Variants in PSTPIP2 observed in about 807,000 individuals in gnomAD.
PSTPIP2 encodes the protein proline-serine-threonine phosphatase-interacting protein 2.
In PSTPIP2, 33 loss-of-function variants were observed where a neutral mutation model predicts 63.3. The ratio of observed to expected loss-of-function variants is 0.52; its 90% CI spans 0.40 to 0.70. The LOEUF (loss-of-function observed/expected upper bound fraction) is 0.70. PSTPIP2 is among the 30% of genes least tolerant of loss of function. The pLI is 0.00. For synonymous variants in PSTPIP2, 125 were observed against 132.7 expected, an observed-to-expected ratio of 0.94 and a Z score of 0.40; for missense variants, 312 against 400.7, an observed-to-expected ratio of 0.78 and a Z score of 1.89.
Position 45,985,425 on chromosome 18 carries a change from G to A in PSTPIP2, c.*34C>T. 6.2e-7 allele frequency: 1 copy of A among 1,613,380 alleles called. No individual in the cohort carries two copies. Among genetic ancestry groups the A allele is most frequent in the Non-Finnish European group, 8.5e-7 (1 of 1,179,754 alleles). On this transcript the variant is annotated 3_prime_UTR_variant, in exon 15 of 15. Transcript: ENST00000409746. ...TGGGTGCCCTTTCCATATCACAGAAGCACTAGCCGGAAAAAGCTCTGGTTT... is the reference window on the plus strand; with the variant it reads ...TGGGTGCCCTTTCCATATCACAGAAACACTAGCCGGAAAAAGCTCTGGTTT...
chr18:45,996,803 G>A (rs777860511), intron 9 of PSTPIP2, among the ~76,000 whole-genome samples: 5 of 151,976 alleles, frequency 3.3e-5, no homozygotes, highest in African/African-American at 9.7e-5. Context: ...TTAACAAGGC[G>A]TGGTGGTGCA....
At chr18:46,059,738 T>C (rs1383275440) in intron 1 of PSTPIP2, among the ~76,000 whole-genome samples, 2 of 152,106 alleles carry the variant, frequency 1.3e-5, no homozygotes, top group African/African-American at 4.8e-5. Context: ...TTAATAAAAA[T>C]GAGGTCTAGG....
chr18:46,011,083 A>T, intron 5 of PSTPIP2, 98 bp downstream of exon 5: 1 of 1,001,378 alleles, frequency 1.0e-6, no homozygotes, highest in Middle Eastern at 2.1e-4. Context: ...TCATGATTAC[A>T]TGATGGTGGG....
At chr18:46,064,113 C>T (rs1909085878) in intron 1 of PSTPIP2, among the ~76,000 whole-genome samples, 1 of 152,120 alleles carries the variant, frequency 6.6e-6, no homozygotes, top group Non-Finnish European at 1.5e-5. Flanking sequence ...CAATCAGGGG[C>T]TTGTAGATGA....
At chr18:46,036,118 TATC>T (rs932294893) in intron 2 of PSTPIP2, among the ~76,000 whole-genome samples, 26 of 148,666 alleles carry the variant, frequency 1.7e-4, no homozygotes, top group Admixed American at 4.7e-4. Context: ...ATTTAATTAA[TATC>T]ATTTTATTTA....
chr18:46,054,769 T>C (rs973838491), intron 1 of PSTPIP2, among the ~76,000 whole-genome samples: 1 of 151,514 alleles, frequency 6.6e-6, no homozygotes, highest in African/African-American at 2.4e-5. Flanking sequence ...CAAATGATTC[T>C]CCTGCCTCAG....
intron 1 of PSTPIP2, among the ~76,000 whole-genome samples, chr18:46,060,752 G>C (rs1306167834): frequency 1.3e-5 from 2 of 152,206 alleles, no homozygotes; most frequent in Non-Finnish European, 2.9e-5. Flanking sequence ...CCGCCCAGAG[G>C]ACTGGTTTCT....
At chr18:46,013,538 C>T (rs1024217024) in intron 4 of PSTPIP2, among the ~76,000 whole-genome samples, 3 of 151,892 alleles carry the variant, frequency 2.0e-5, no homozygotes, top group African/African-American at 2.4e-5. Context: ...GTGCCTCACC[C>T]TGGATCGCCC....
At chr18:46,058,106 T>G (rs1219538991) in intron 1 of PSTPIP2, among the ~76,000 whole-genome samples, 2 of 152,074 alleles carry the variant, frequency 1.3e-5, no homozygotes, top group African/African-American at 2.4e-5. Flanking sequence ...AGAGATGGCT[T>G]GCTAACCTGC....
intron 1 of PSTPIP2, among the ~76,000 whole-genome samples, chr18:46,067,030 A>C (rs79522771): frequency 7.7e-4 from 41 of 53,374 alleles, no homozygotes; most frequent in African/African-American, 2.0e-3. Flanking sequence ...TCCATCTCAA[A>C]AAAAAAAAAA....
chr18:46,035,783 CT>C (rs1907952127), intron 2 of PSTPIP2, among the ~76,000 whole-genome samples: 1 of 152,138 alleles, frequency 6.6e-6, no homozygotes, highest in Non-Finnish European at 1.5e-5. Flanking sequence ...TCACCAGCCC[CT>C]GGAGCCATTC....
intron 1 of PSTPIP2, among the ~76,000 whole-genome samples, chr18:46,063,480 G>A (rs148480956): frequency 0.01 from 1,579 of 152,076 alleles, 9 homozygotes; most frequent in Middle Eastern, 0.027. Flanking sequence ...ATTTGAACAC[G>A]GGCACACACA....
chr18:46,010,150 G>A (rs930140555), intron 5 of PSTPIP2, among the ~76,000 whole-genome samples: 5 of 152,182 alleles, frequency 3.3e-5, no homozygotes, highest in African/African-American at 7.2e-5. Context: ...GCCAGTGGCC[G>A]CCAGGGAAGC....
intron 3 of PSTPIP2, among the ~76,000 whole-genome samples, chr18:46,020,815 A>G (rs1036577277): frequency 1.3e-5 from 2 of 152,230 alleles, no homozygotes; most frequent in African/African-American, 4.8e-5. Context: ...TTAGAAGGAA[A>G]ACTGACTGGC....
chr18:46,015,120 A>C (rs1238691221), intron 4 of PSTPIP2, among the ~76,000 whole-genome samples: 2 of 152,170 alleles, frequency 1.3e-5, no homozygotes, highest in African/African-American at 4.8e-5. Flanking sequence ...GAAGAGGCCC[A>C]AAATTGTCCC....
chr18:46,036,949 A>G (rs764789638), intron 2 of PSTPIP2, among the ~76,000 whole-genome samples: 1 of 152,220 alleles, frequency 6.6e-6, no homozygotes, highest in Non-Finnish European at 1.5e-5. Context: ...TGTACCATGT[A>G]AAAGTGGTAT....
chr18:46,071,905 C>T (rs1249356594), intron 1 of PSTPIP2, among the ~76,000 whole-genome samples: 4 of 152,004 alleles, frequency 2.6e-5, no homozygotes, highest in African/African-American at 9.7e-5. Flanking sequence ...AGTCCGAGCC[C>T]CCGGGACTCG....
intron 1 of PSTPIP2, 122 bp from the exon 2 acceptor site, chr18:46,040,169 G>C: frequency 1.4e-6 from 1 of 706,332 alleles, no homozygotes; most frequent in South Asian, 1.9e-5. Context: ...CTTTGAGATG[G>C]CGCAGGGACC....
chr18:46,040,542 C>A (rs1053602462), intron 1 of PSTPIP2, among the ~76,000 whole-genome samples: 3 of 152,196 alleles, frequency 2.0e-5, no homozygotes, highest in African/African-American at 7.2e-5. Flanking sequence ...CCCCCTCATT[C>A]CTGCCTTTAA....
Sources: gnomAD v4.1 joint callset for allele counts (sites outside exome capture counted in the v4.1 genomes callset) on GRCh38, gnomAD v4.1.1 for gene constraint, MANE v1.5 for transcripts, NCBI Gene and HGNC (gene_info 2026-07-23, HGNC 2026-07-21) for gene names.